PDSS2: variants seen among roughly 807,000 people sequenced by gnomAD.
PDSS2 encodes all trans-polyprenyl-diphosphate synthase PDSS2.
A neutral mutation model predicts 44.5 loss-of-function variants in PDSS2; 31 were observed. The observed-to-expected ratio is 0.70, with a 90% CI of 0.52 to 0.94. The LOEUF (loss-of-function observed/expected upper bound fraction) is 0.94. PDSS2 is among the 40% of genes least tolerant of loss of function. The probability of loss-of-function intolerance (pLI) is 0.00; values close to 1 mark genes in which losing one functional copy is unlikely to be tolerated. For synonymous variants in PDSS2, 157 were observed against 180.3 expected (o/e 0.87, Z 1.03); for missense variants, 452 against 482.2 (o/e 0.94, Z 0.59).
chr6:107,430,740 C>T (rs1351078025), intron 1 of PDSS2, among the ~76,000 whole-genome samples: 2 of 148,498 alleles, frequency 1.3e-5, no homozygotes, highest in Non-Finnish European at 3.0e-5. Context: ...ACCTGGGAGG[C>T]GGAGGTTGCG....
chr6:107,155,519 T>G (rs1770855540), intron 7 of PDSS2, among the ~76,000 whole-genome samples: 1 of 152,058 alleles, frequency 6.6e-6, no homozygotes, highest in Non-Finnish European at 1.5e-5. Flanking sequence ...TAACACCATA[T>G]GTTGACACAA....
intron 7 of PDSS2, among the ~76,000 whole-genome samples, chr6:107,173,572 CAAAAAAAAA>C (rs71012783): frequency 1.9e-4 from 8 of 41,508 alleles, no homozygotes; most frequent in African/African-American, 5.0e-4. Flanking sequence ...GACTCTGTCT[CAAAAAAAAA>C]AAAAAAAAAA....
At chr6:107,261,907 C>CTTTTTTTTT (rs58274022) in intron 3 of PDSS2, among the ~76,000 whole-genome samples, 21 of 117,090 alleles carry the variant, frequency 1.8e-4, no homozygotes, top group Non-Finnish European at 2.8e-4. Context: ...TCTTTCTTTT[C>CTTTTTTTTT]TTTTTTTTTT....
chr6:107,435,459 A>T (rs913684067), intron 1 of PDSS2, among the ~76,000 whole-genome samples: 11 of 152,224 alleles, frequency 7.2e-5, no homozygotes, highest in African/African-American at 2.2e-4. Context: ...TAAATATTTT[A>T]AAATAATCAA....
chr6:107,363,540 G>C (rs1778851235), intron 1 of PDSS2, among the ~76,000 whole-genome samples: 1 of 152,212 alleles, frequency 6.6e-6, no homozygotes. Context: ...CAGGAGTGAA[G>C]CTGCACATCT....
intron 1 of PDSS2, among the ~76,000 whole-genome samples, chr6:107,412,792 A>AT (rs1270444598): frequency 2.0e-5 from 3 of 152,064 alleles, no homozygotes; most frequent in Non-Finnish European, 4.4e-5. Flanking sequence ...CTCTGGTTTC[A>AT]TTTTTTTATA....
chr6:107,254,933 G>A (rs906427914), intron 3 of PDSS2, among the ~76,000 whole-genome samples: 6 of 151,032 alleles, frequency 4.0e-5, no homozygotes, highest in African/African-American at 7.3e-5. Context: ...GTGTGATCTC[G>A]GCTCACTCCA....
chr6:107,173,345 G>A (rs527279569), intron 7 of PDSS2, among the ~76,000 whole-genome samples: 4 of 151,576 alleles, frequency 2.6e-5, no homozygotes, highest in Admixed American at 6.6e-5. Flanking sequence ...AGGCCGAGGC[G>A]GGCGGATCAC....
intron 7 of PDSS2, among the ~76,000 whole-genome samples, chr6:107,170,185 CCT>C (rs1336513446): frequency 6.6e-6 from 1 of 152,148 alleles, no homozygotes; most frequent in Non-Finnish European, 1.5e-5. Context: ...GGTGGGCGCC[CCT>C]CCACCAGCCT....
intron 2 of PDSS2, among the ~76,000 whole-genome samples, chr6:107,316,499 T>C (rs1483985847): frequency 6.6e-6 from 1 of 152,224 alleles, no homozygotes; most frequent in Non-Finnish European, 1.5e-5. Context: ...CTATTATATA[T>C]GGCTATGGTC....
At chr6:107,281,092 T>TAAC (rs1775948030) in intron 2 of PDSS2, among the ~76,000 whole-genome samples, 1 of 152,150 alleles carries the variant, frequency 6.6e-6, no homozygotes, top group Non-Finnish European at 1.5e-5. Flanking sequence ...GTGTATACCT[T>TAAC]TGATATTTTG....
intron 1 of PDSS2, among the ~76,000 whole-genome samples, chr6:107,431,596 A>C (rs938649274): frequency 1.3e-5 from 2 of 152,150 alleles, no homozygotes; most frequent in Non-Finnish European, 2.9e-5. Context: ...CTTCTACCTT[A>C]TATTTGTACA....
chr6:107,310,470 CGCTTTATCT>C (rs958992577), intron 2 of PDSS2, among the ~76,000 whole-genome samples: 2 of 152,082 alleles, frequency 1.3e-5, no homozygotes, highest in African/African-American at 4.8e-5. Flanking sequence ...TTACCTAGGA[CGCTTTATCT>C]GCATATTAAG....
intron 5 of PDSS2, among the ~76,000 whole-genome samples, chr6:107,210,795 G>A (rs1773172276): frequency 6.6e-6 from 1 of 152,056 alleles, no homozygotes; most frequent in African/African-American, 2.4e-5. Flanking sequence ...CCTGAGGTCA[G>A]GAGTTTGAGA....
intron 6 of PDSS2, among the ~76,000 whole-genome samples, chr6:107,195,975 G>A (rs1009675113): frequency 6.6e-6 from 1 of 152,140 alleles, no homozygotes; most frequent in East Asian, 1.9e-4. Flanking sequence ...GAAACAAAAG[G>A]CCTCTGCAAC....
At chr6:107,416,436 T>A (rs1203436151) in intron 1 of PDSS2, among the ~76,000 whole-genome samples, 2 of 152,238 alleles carry the variant, frequency 1.3e-5, no homozygotes, top group African/African-American at 4.8e-5. Flanking sequence ...ATATCCGGGT[T>A]GATTTGTTAG....
chr6:107,225,449 C>T (rs1307292743), intron 4 of PDSS2, among the ~76,000 whole-genome samples: 1 of 151,706 alleles, frequency 6.6e-6, no homozygotes. Flanking sequence ...CCATGCCTGG[C>T]CTTCTTCACT....
At chr6:107,202,051 G>T (rs1187324079) in intron 6 of PDSS2, among the ~76,000 whole-genome samples, 3 of 152,074 alleles carry the variant, frequency 2.0e-5, no homozygotes, top group Admixed American at 6.6e-5. Flanking sequence ...TTACTTATTT[G>T]TTTGTCTGAC....
At chr6:107,235,113 G>A (rs1243563539) in intron 4 of PDSS2, among the ~76,000 whole-genome samples, 2 of 152,196 alleles carry the variant, frequency 1.3e-5, no homozygotes, top group Admixed American at 1.3e-4. Context: ...GAGAATGCCA[G>A]GATGCAGAGG....
Sources: gnomAD v4.1 joint callset for allele counts (sites outside exome capture counted in the v4.1 genomes callset) on GRCh38, gnomAD v4.1.1 for gene constraint, MANE v1.5 for transcripts, NCBI Gene and HGNC (gene_info 2026-07-23, HGNC 2026-07-21) for gene names.